The following VIPR2 variants were observed in gnomAD, a reference collection of about 807,000 sequenced individuals.
The protein encoded by VIPR2 is vasoactive intestinal peptide receptor 2.
Under a neutral mutation model 58.0 loss-of-function variants are expected in VIPR2, and 48 were observed. That is an observed-to-expected ratio of 0.83 (90% confidence interval 0.66 to 1.05). The LOEUF is 1.05. Ranked by LOEUF, VIPR2 falls within the 50% of genes least tolerant of loss-of-function variation. VIPR2 has a pLI of 0.00. For missense variants in VIPR2, 534 were observed against 558.0 expected, an observed-to-expected ratio of 0.96 and a Z score of 0.43; for synonymous variants, 243 against 235.2, an observed-to-expected ratio of 1.03 and a Z score of -0.30.
At chr7:159,081,908 C>T (rs1359331824) in intron 4 of VIPR2, among the ~76,000 whole-genome samples, 1 of 152,138 alleles carries the variant, frequency 6.6e-6, no homozygotes, top group Non-Finnish European at 1.5e-5. Flanking sequence ...ATCAAAACCG[C>T]AATGAGATAC....
intron 4 of VIPR2, among the ~76,000 whole-genome samples, chr7:159,067,909 G>A (rs1856177544): frequency 6.6e-6 from 1 of 152,256 alleles, no homozygotes; most frequent in South Asian, 2.1e-4. Context: ...AATGGTTTGT[G>A]GCTGGGCAGA....
Position 159,100,156 on chromosome 7 carries a change from A to T in VIPR2, c.357+3601T>A, listed in dbSNP as rs1858119006. 2.0e-5 allele frequency among the ~76,000 whole-genome samples: 3 copies of T among 152,178 alleles called. No individual in the cohort carries two copies. In the South Asian group the frequency reaches 6.2e-4, roughly 31 times the overall value. On this transcript the variant is annotated intron_variant, in intron 4 of 12. Coordinates refer to ENST00000262178, the MANE Select transcript of VIPR2 (RefSeq NM_003382.5). Reference sequence around the variant, plus strand: ...CCCACTCAGGGAGGGCGGTGGGGCCAGGAGCTGTCCCGACCAGATGGCAAC... The same window carrying T: ...CCCACTCAGGGAGGGCGGTGGGGCCTGGAGCTGTCCCGACCAGATGGCAAC...
intron 2 of VIPR2, among the ~76,000 whole-genome samples, chr7:159,121,174 ACCTCCCTC>A (rs371441926): frequency 6.7e-6 from 1 of 149,686 alleles, no homozygotes; most frequent in African/African-American, 2.5e-5. Context: ...CTGGGTGGTC[ACCTCCCTC>A]CCTCCCTCCC....
At chr7:159,068,704 G>T (rs996374352) in intron 4 of VIPR2, among the ~76,000 whole-genome samples, 4 of 152,200 alleles carry the variant, frequency 2.6e-5, no homozygotes, top group Non-Finnish European at 4.4e-5. Context: ...GCAACAGCAC[G>T]GCCTCAGAAA....
At chr7:159,114,501 G>T (rs1415028771) in intron 2 of VIPR2, among the ~76,000 whole-genome samples, 1 of 152,178 alleles carries the variant, frequency 6.6e-6, no homozygotes, top group Non-Finnish European at 1.5e-5. Context: ...AAAATCAAAG[G>T]TCGCTCTGAA....
At chr7:159,090,702 C>A (rs370740944) in intron 4 of VIPR2, among the ~76,000 whole-genome samples, 67 of 119,134 alleles carry the variant, frequency 5.6e-4, no homozygotes, top group Middle Eastern at 5.9e-3. Context: ...GGGGCCACCT[C>A]TTGTGACTAT....
At chr7:159,137,548 A>G (rs1676559082) in intron 2 of VIPR2, among the ~76,000 whole-genome samples, 1 of 152,004 alleles carries the variant, frequency 6.6e-6, no homozygotes, top group Admixed American at 6.5e-5. Flanking sequence ...GGTTAAGTTA[A>G]AAAGTTTTTT....
At chr7:159,080,419 C>G (rs557553530) in intron 4 of VIPR2, among the ~76,000 whole-genome samples, 34 of 152,064 alleles carry the variant, frequency 2.2e-4, no homozygotes, top group Admixed American at 1.6e-3. Flanking sequence ...ATTCAACAAC[C>G]CTTCATGTTA....
rs1164947402 is a variant in VIPR2, at chr7:159,037,476, C to T, written c.598-574G>A. Among the ~76,000 whole-genome samples the T allele has an allele frequency of 2.2e-4, 34 of 152,210 alleles. 1 individual carries two copies. Among genetic ancestry groups the T allele is most frequent in the Admixed American group, 2.2e-3 (34 of 15,280 alleles). On this transcript the variant is annotated intron_variant, in intron 6 of 12. Transcript: ENST00000262178. ...CCTCACTAGCAGCTCAGGTGAGCAG[C>T]GCCTGGGAAGAGAAAGCAGTGGACC...
chr7:159,040,302 C>A (rs964112621), intron 6 of VIPR2, among the ~76,000 whole-genome samples: 1 of 152,260 alleles, frequency 6.6e-6, no homozygotes, highest in Non-Finnish European at 1.5e-5. Flanking sequence ...GCCCGGTGCC[C>A]AGTCAACAGC....
At chr7:159,053,874 TA>T (rs1405297803) in intron 5 of VIPR2, among the ~76,000 whole-genome samples, 11 of 152,340 alleles carry the variant, frequency 7.2e-5, no homozygotes, top group Non-Finnish European at 1.2e-4. Context: ...CAATTGACAT[TA>T]AAAGTTTAAG....
At position 159,103,772 on chromosome 7, in the gene VIPR2, C is replaced by T. The variant is rs138023722; in HGVS notation, c.342G>A (p.Pro114=). The T allele has an allele frequency of 8.8e-5, 142 of 1,614,110 alleles. 1 individual carries two copies. In the South Asian group the frequency reaches 1.1e-3, roughly 12 times the overall value. Residue 114 remains proline, a synonymous_variant, in exon 4 of 13, where the codon CCG becomes CCA. Coordinates refer to ENST00000262178, the MANE Select transcript of VIPR2 (RefSeq NM_003382.5). ...DFVDACGYSD[P]EDESKITFYI... ...AGGAGCCTACCTTGCTCTCATCCTC[C>T]GGGTCGCTGTAGCCACAGGCATCGA...
chr7:159,054,505 G>A (rs1205090366), intron 5 of VIPR2, among the ~76,000 whole-genome samples: 1 of 152,166 alleles, frequency 6.6e-6, no homozygotes. Context: ...ACAGAAAAAT[G>A]AGCAAACTCA....
chr7:159,075,145 A>G (rs573759095), intron 4 of VIPR2, among the ~76,000 whole-genome samples: 24 of 152,296 alleles, frequency 1.6e-4, no homozygotes, highest in Admixed American at 1.2e-3. Flanking sequence ...TCCTCCCATT[A>G]CCACTGTTAA....
intron 2 of VIPR2, among the ~76,000 whole-genome samples, chr7:159,119,917 G>T (rs905716639): frequency 2.0e-5 from 3 of 151,240 alleles, no homozygotes; most frequent in Admixed American, 2.0e-4. Context: ...GATGCACAAA[G>T]CCTGGTAGGT....
At chr7:159,113,966 G>C (rs1020377230) in intron 2 of VIPR2, among the ~76,000 whole-genome samples, 1 of 152,176 alleles carries the variant, frequency 6.6e-6, no homozygotes, top group Non-Finnish European at 1.5e-5. Context: ...TGGGGATGAC[G>C]AGGGGCCGGA....
intron 5 of VIPR2, among the ~76,000 whole-genome samples, chr7:159,046,334 C>T (rs549947133): frequency 2.6e-5 from 4 of 152,262 alleles, no homozygotes; most frequent in South Asian, 2.1e-4. Flanking sequence ...AGCAGATGAA[C>T]GGATAAACTA....
chr7:159,060,572 C>T (rs2129494082), intron 4 of VIPR2, among the ~76,000 whole-genome samples: 1 of 151,448 alleles, frequency 6.6e-6, no homozygotes, highest in African/African-American at 2.4e-5. Flanking sequence ...TCCACCTAAC[C>T]ACTTTACTCA....
chr7:159,090,012 T>C (rs67464981), intron 4 of VIPR2, among the ~76,000 whole-genome samples: 26,422 of 109,054 alleles, frequency 0.24, 5,110 homozygotes, highest in African/African-American at 0.53. Flanking sequence ...CATGCTGGGA[T>C]CACGCACAGG....
Sources: allele counts gnomAD v4.1 joint callset (sites outside exome capture counted in the v4.1 genomes callset), GRCh38; gene constraint gnomAD v4.1.1; transcripts MANE v1.5; gene names NCBI Gene and HGNC (gene_info 2026-07-23, HGNC 2026-07-21).